Variants in ATP8A2 observed in about 807,000 individuals in gnomAD.
ATP8A2 encodes ATPase phospholipid transporting 8A2.
ATP8A2 carries 100 observed loss-of-function variants against 165.6 expected under a neutral mutation model. That is an observed-to-expected ratio of 0.60 (90% confidence interval 0.51 to 0.71). ATP8A2 has a LOEUF of 0.71. Among genes scored for constraint, ATP8A2 ranks in the 30% least tolerant of loss-of-function variants. ATP8A2 has a pLI of 0.00. For synonymous variants in ATP8A2, 543 were observed against 548.8 expected (o/e 0.99, Z 0.15); for missense variants, 1,227 against 1,479.5 (o/e 0.83, Z 2.80).
chr13:25,664,723 ATCAT>A (rs1404061615), intron 24 of ATP8A2, among the ~76,000 whole-genome samples: 1 of 152,210 alleles, frequency 6.6e-6, no homozygotes, highest in African/African-American at 2.4e-5. Flanking sequence ...AAGCAGAGGT[ATCAT>A]CCAAGAGATG....
chr13:25,554,812 G>A (rs906208380), intron 12 of ATP8A2, among the ~76,000 whole-genome samples, 179 bp from the exon 13 acceptor site: 1 of 151,976 alleles, frequency 6.6e-6, no homozygotes, highest in Non-Finnish European at 1.5e-5. Context: ...TGGCCACTTC[G>A]GCCTCCCAAA....
chr13:26,001,147 G>A (rs546378861), intron 35 of ATP8A2, among the ~76,000 whole-genome samples: 1 of 152,270 alleles, frequency 6.6e-6, no homozygotes, highest in African/African-American at 2.4e-5. Flanking sequence ...CAGCCTTTGA[G>A]GTTGGGCTTC....
At chr13:25,379,555 T>C (rs922941808) in intron 1 of ATP8A2, among the ~76,000 whole-genome samples, 3 of 152,242 alleles carry the variant, frequency 2.0e-5, no homozygotes, top group Non-Finnish European at 4.4e-5. Flanking sequence ...TTTAGTCACA[T>C]AATGATTATC....
At chr13:25,765,955 C>G (rs1221556500) in intron 25 of ATP8A2, among the ~76,000 whole-genome samples, 1 of 152,182 alleles carries the variant, frequency 6.6e-6, no homozygotes, top group Non-Finnish European at 1.5e-5. Flanking sequence ...TGTGGGCTTC[C>G]TTTCTCTCCA....
chr13:25,785,541 A>C (rs2045002568), intron 27 of ATP8A2, among the ~76,000 whole-genome samples: 1 of 151,822 alleles, frequency 6.6e-6, no homozygotes, highest in South Asian at 2.1e-4. Context: ...TGTTGCTCTC[A>C]TTTTTTTCTT....
intron 24 of ATP8A2, among the ~76,000 whole-genome samples, chr13:25,623,217 T>G (rs1392795441): frequency 6.6e-6 from 1 of 152,076 alleles, no homozygotes; most frequent in Non-Finnish European, 1.5e-5. Context: ...ACTTTGTCAT[T>G]ACTAAAAGTA....
chr13:25,372,147 TGC>T lies in ATP8A2; in HGVS notation c.-63_-62del. 8.5e-7 allele frequency: 1 copy of T among 1,175,282 alleles called. No homozygotes were observed. Among genetic ancestry groups the T allele is most frequent in the Non-Finnish European group, 1.1e-6 (1 of 913,406 alleles). 72.8% of individuals were successfully genotyped at this position (1,175,282 alleles called of 1,614,324 possible). A position where few individuals can be genotyped will look rare whatever the true frequency, so the allele number is the denominator to read the frequency against. ...CCCATGGTCCTCGGGCGGCGGCCCC[TGC>T]GCCCAGCCCTGCGCGTAGCCTCCGT... On this transcript the variant is annotated 5_prime_UTR_variant, in exon 1 of 37. Transcript: ENST00000381655. This position sits in a 1 kb window ranked among gnomAD's most constrained non-coding sequence, Gnocchi z 4.8.
chr13:25,706,265 G>GTA (rs921433482), intron 25 of ATP8A2, among the ~76,000 whole-genome samples: 7 of 152,272 alleles, frequency 4.6e-5, no homozygotes, highest in Admixed American at 1.3e-4. Context: ...ATGTATACAT[G>GTA]TATATATATA....
chr13:25,383,507 C>T (rs139224278), intron 1 of ATP8A2, among the ~76,000 whole-genome samples: 60 of 152,244 alleles, frequency 3.9e-4, no homozygotes, highest in African/African-American at 1.4e-3. Context: ...TCCAAATATC[C>T]TCTCCCAGTC....
intron 1 of ATP8A2, among the ~76,000 whole-genome samples, chr13:25,395,930 G>A (rs546861870): frequency 4.6e-5 from 7 of 151,930 alleles, no homozygotes; most frequent in African/African-American, 9.7e-5. Context: ...TGCTACCTCC[G>A]TCTCCTGGGT....
chr13:25,850,456 C>T (rs1319537481), intron 30 of ATP8A2, among the ~76,000 whole-genome samples: 1 of 131,160 alleles, frequency 7.6e-6, no homozygotes, highest in South Asian at 2.7e-4. Flanking sequence ...CTGAAATGTT[C>T]TTCCCCCTCT....
At chr13:25,969,765 A>G (rs1211099430) in intron 35 of ATP8A2, among the ~76,000 whole-genome samples, 1 of 152,246 alleles carries the variant, frequency 6.6e-6, no homozygotes, top group Non-Finnish European at 1.5e-5. Flanking sequence ...TATAGCAGCT[A>G]TGCTAGCCAC....
chr13:25,469,108 G>T lies in ATP8A2; in HGVS notation c.208G>T (p.Asp70Tyr), dbSNP rs748540225. 1 of 1,613,956 alleles carries T rather than the reference G, an allele frequency of 6.2e-7. No individual in the cohort carries two copies. Among genetic ancestry groups the T allele is most frequent in the East Asian group, 2.2e-5 (1 of 44,860 alleles). ...LNQPHLNKFRDNQISTAKYSV... is the reference protein window; with the variant it reads ...LNQPHLNKFRYNQISTAKYSV... ...CCAACCGCATCTCAACAAATTCCGCGACAACCAGATCAGGTAGGAGAAGGC... is the reference window on the plus strand; with the variant it reads ...CCAACCGCATCTCAACAAATTCCGCTACAACCAGATCAGGTAGGAGAAGGC... The change falls in exon 2 of 37, where the codon GAC (aspartate) becomes TAC (tyrosine). Residue 70 changes from aspartate (D) to tyrosine (Y), a missense_variant. Coordinates refer to ENST00000381655, the MANE Select transcript of ATP8A2 (RefSeq NM_016529.6).
chr13:25,981,294 A>G (rs980409069), intron 35 of ATP8A2, among the ~76,000 whole-genome samples: 1 of 152,262 alleles, frequency 6.6e-6, no homozygotes, highest in African/African-American at 2.4e-5. Flanking sequence ...CTCTGAAATC[A>G]AAATAGCATC....
intron 1 of ATP8A2, among the ~76,000 whole-genome samples, chr13:25,447,944 G>C (rs2035113690): frequency 6.6e-6 from 1 of 152,180 alleles, no homozygotes; most frequent in Non-Finnish European, 1.5e-5. Flanking sequence ...ATGTCCAGCT[G>C]CCTCTCAATG....
intron 33 of ATP8A2, among the ~76,000 whole-genome samples, chr13:25,890,430 A>G (rs191400361): frequency 5.9e-5 from 9 of 152,354 alleles, no homozygotes; most frequent in South Asian, 2.1e-4. Flanking sequence ...TTCTATATCA[A>G]TTTTAGAATT....
chr13:25,773,418 T>A (rs116842705), intron 26 of ATP8A2, among the ~76,000 whole-genome samples: 1 of 152,238 alleles, frequency 6.6e-6, no homozygotes, highest in Non-Finnish European at 1.5e-5. Flanking sequence ...TTTGGGACCT[T>A]TATGAAACGG....
At chr13:25,640,967 T>C (rs1245850415) in intron 24 of ATP8A2, among the ~76,000 whole-genome samples, 1 of 152,164 alleles carries the variant, frequency 6.6e-6, no homozygotes, top group Non-Finnish European at 1.5e-5. Context: ...AATCAATAAA[T>C]GTAATCCAGC....
intron 1 of ATP8A2, among the ~76,000 whole-genome samples, chr13:25,381,207 A>G (rs2032826466): frequency 6.6e-6 from 1 of 152,220 alleles, no homozygotes; most frequent in African/African-American, 2.4e-5. Flanking sequence ...AGTGTCCTAC[A>G]CAACAACCTT....
Sources: allele counts gnomAD v4.1 joint callset (sites outside exome capture counted in the v4.1 genomes callset), GRCh38; gene constraint gnomAD v4.1.1; non-coding constraint Gnocchi (gnomAD v3.1); transcripts MANE v1.5; gene names NCBI Gene and HGNC (gene_info 2026-07-23, HGNC 2026-07-21).